IMMP2L: variants seen among roughly 807,000 people sequenced by gnomAD.
IMMP2L encodes the protein mitochondrial inner membrane protease subunit 2.
A neutral mutation model predicts 19.3 loss-of-function variants in IMMP2L; 18 were observed. That is an observed-to-expected ratio of 0.93 (90% CI 0.64 to 1.38). The LOEUF is 1.38. Ranked by LOEUF, IMMP2L falls within the 40% of genes most tolerant of loss-of-function variation. The pLI is 0.00. For missense variants in IMMP2L, 233 were observed against 218.2 expected, an observed-to-expected ratio of 1.07 and a Z score of -0.43; for synonymous variants, 76 against 73.0, an observed-to-expected ratio of 1.04 and a Z score of -0.21.
chr7:111,094,517 T>A (rs879455874), intron 3 of IMMP2L, among the ~76,000 whole-genome samples: 2 of 152,154 alleles, frequency 1.3e-5, no homozygotes, highest in Non-Finnish European at 2.9e-5. Flanking sequence ...TTTAGCTACT[T>A]ATGTATCACT....
At chr7:111,016,334 T>C (rs1166358475) in intron 3 of IMMP2L, among the ~76,000 whole-genome samples, 2 of 144,778 alleles carry the variant, frequency 1.4e-5, no homozygotes, top group African/African-American at 5.0e-5. Context: ...CCAGTAATTA[T>C]ATATATAATA....
chr7:111,085,517 C>G (rs2129576983), intron 3 of IMMP2L, among the ~76,000 whole-genome samples: 1 of 152,200 alleles, frequency 6.6e-6, no homozygotes, highest in Middle Eastern at 3.4e-3. Context: ...TTAATAGTAG[C>G]CATTCTGACT....
intron 3 of IMMP2L, among the ~76,000 whole-genome samples, chr7:111,094,196 T>C (rs2129578317): frequency 6.6e-6 from 1 of 152,164 alleles, no homozygotes; most frequent in East Asian, 1.9e-4. Flanking sequence ...CTATGGTATT[T>C]ATTACAATCT....
chr7:111,433,543 A>G (rs1400236395), intron 3 of IMMP2L, among the ~76,000 whole-genome samples: 1 of 151,844 alleles, frequency 6.6e-6, no homozygotes, highest in Non-Finnish European at 1.5e-5. Flanking sequence ...AACTGCTCCC[A>G]TAATTCAATT....
chr7:111,486,707 AT>A (rs1447959004), intron 3 of IMMP2L, among the ~76,000 whole-genome samples: 1 of 152,154 alleles, frequency 6.6e-6, no homozygotes, highest in African/African-American at 2.4e-5. Flanking sequence ...CTGGAATGAA[AT>A]TTTTGATCCT....
At chr7:111,483,387 C>A (rs1233956401) in intron 3 of IMMP2L, 1 of 152,098 alleles carries the variant, frequency 6.6e-6, no homozygotes. Flanking sequence ...AGAAAATTCA[C>A]CTTACTCACC....
At chr7:111,337,945 TA>T (rs372007946) in intron 3 of IMMP2L, among the ~76,000 whole-genome samples, 2,927 of 151,932 alleles carry the variant, frequency 0.019, 101 homozygotes, top group African/African-American at 0.067. Flanking sequence ...TACAAAGAAA[TA>T]AAAAGGACTG....
chr7:111,452,409 T>G (rs1839289791), intron 3 of IMMP2L, among the ~76,000 whole-genome samples: 2 of 152,142 alleles, frequency 1.3e-5, no homozygotes, highest in African/African-American at 2.4e-5. Flanking sequence ...TGTCCTGAGA[T>G]TCCTATGAAG....
At chr7:111,459,693 A>C (rs1839974130) in intron 3 of IMMP2L, among the ~76,000 whole-genome samples, 1 of 152,148 alleles carries the variant, frequency 6.6e-6, no homozygotes, top group Non-Finnish European at 1.5e-5. Context: ...AATGACAGGC[A>C]AAAGTTTCTG....
chr7:111,537,446 T>C (rs955344106), intron 1 of IMMP2L, among the ~76,000 whole-genome samples: 2 of 151,952 alleles, frequency 1.3e-5, no homozygotes, highest in Admixed American at 6.6e-5. Context: ...TAACTCCTCA[T>C]TTTCTATAGG....
chr7:110,959,109 G>GT lies in IMMP2L; in HGVS notation c.305+4390_305+4391insA, dbSNP rs557627355. Among the ~76,000 whole-genome samples the GT allele has an allele frequency of 3.4e-3, 522 of 151,860 alleles. 3 individuals are homozygous for GT. Among genetic ancestry groups the GT allele is most frequent in the African/African-American group, 0.011 (473 of 41,432 alleles). On this transcript the variant is annotated intron_variant, in intron 4 of 5. Transcript: ENST00000405709. ...TAATCCTTCAATTAATCCTTCAAGG[G>GT]GTCTAACCTCAAATACTACTGAAAC... is the stretch of plus-strand genomic sequence containing the variant.
intron 4 of IMMP2L, among the ~76,000 whole-genome samples, chr7:110,948,619 T>C (rs1301667319): frequency 6.6e-6 from 1 of 152,218 alleles, no homozygotes; most frequent in Non-Finnish European, 1.5e-5. Flanking sequence ...TTTAGTATTC[T>C]TTTTTGTGAG....
chr7:111,255,151 T>A (rs542676408), intron 3 of IMMP2L, among the ~76,000 whole-genome samples: 4 of 152,172 alleles, frequency 2.6e-5, no homozygotes, highest in African/African-American at 9.6e-5. Flanking sequence ...TTAAAGCATA[T>A]CTTCCCACAG....
intron 3 of IMMP2L, among the ~76,000 whole-genome samples, chr7:111,312,337 T>A (rs1823609917): frequency 6.6e-6 from 1 of 152,216 alleles, no homozygotes; most frequent in East Asian, 1.9e-4. Context: ...CTACCATTCA[T>A]GTCTTATCTT....
At chr7:111,111,402 TC>T (rs1554519150) in intron 3 of IMMP2L, among the ~76,000 whole-genome samples, 3 of 112,540 alleles carry the variant, frequency 2.7e-5, no homozygotes, top group South Asian at 5.6e-4. Flanking sequence ...CTGCTTTCCA[TC>T]CCCCCCCAAA....
chr7:111,271,044 A>G (rs1818406743), intron 3 of IMMP2L, among the ~76,000 whole-genome samples: 1 of 152,150 alleles, frequency 6.6e-6, no homozygotes, highest in South Asian at 2.1e-4. Context: ...ACCACATGCC[A>G]TGGGAGGGAC....
At chr7:110,831,326 G>GC (rs572333472) in intron 5 of IMMP2L, among the ~76,000 whole-genome samples, 15 of 151,810 alleles carry the variant, frequency 9.9e-5, no homozygotes, top group Non-Finnish European at 1.5e-4. Context: ...ATTAAATATT[G>GC]CCCCCTCCCC....
chr7:111,404,424 T>C (rs957622817), intron 3 of IMMP2L, among the ~76,000 whole-genome samples: 1 of 152,092 alleles, frequency 6.6e-6, no homozygotes, highest in African/African-American at 2.4e-5. Context: ...AATAGACACA[T>C]AAGGAATACC....
At chr7:111,390,315 C>G (rs1325706895) in intron 3 of IMMP2L, among the ~76,000 whole-genome samples, 1 of 152,170 alleles carries the variant, frequency 6.6e-6, no homozygotes, top group Admixed American at 6.6e-5. Flanking sequence ...GCTTCCTCCC[C>G]TGCTCAATCC....
Sources: allele counts gnomAD v4.1 joint callset (sites outside exome capture counted in the v4.1 genomes callset), GRCh38; gene constraint gnomAD v4.1.1; transcripts MANE v1.5; gene names NCBI Gene and HGNC (gene_info 2026-07-23, HGNC 2026-07-21).